The following FKBP1B variants were observed in gnomAD, a reference collection of about 807,000 sequenced individuals.
FKBP1B encodes FKBP prolyl isomerase 1B, also known as peptidyl-prolyl cis-trans isomerase FKBP1B.
FKBP1B carries 4 observed loss-of-function variants against 13.5 expected under a neutral mutation model. The ratio of observed to expected loss-of-function variants is 0.30; its 90% confidence interval spans 0.15 to 0.68. The LOEUF (loss-of-function observed/expected upper bound fraction) is 0.68. FKBP1B is among the 30% of genes least tolerant of loss of function. The pLI, the probability that FKBP1B is intolerant of heterozygous loss-of-function variation, is 0.76. For synonymous variants in FKBP1B, 54 were observed against 53.6 expected (o/e 1.01, Z -0.03); for missense variants, 93 against 136.2 (o/e 0.68, Z 1.58).
chr2:24,046,892 T>A (rs190098266), upstream of FKBP1B, among the ~76,000 whole-genome samples: 4 of 152,176 alleles, frequency 2.6e-5, no homozygotes, highest in South Asian at 8.3e-4. Flanking sequence ...CATTTCCCTA[T>A]GTTATTTAAA....
the FKBP1B span, chr2:24,038,040 A>G: frequency 6.2e-7 from 1 of 1,614,126 alleles, no homozygotes; most frequent in Non-Finnish European, 8.5e-7. Context: ...CATTCTGACT[A>G]CTGGTATTAA....
the FKBP1B span, among the ~76,000 whole-genome samples, chr2:24,043,981 T>C: frequency 7.2e-5 from 11 of 152,310 alleles, no homozygotes; most frequent in East Asian, 2.1e-3. Context: ...GTCCAGTCAT[T>C]ACTAATGAAG....
Position 24,056,179 on chromosome 2 carries a change from G to A in FKBP1B, c.85+2230G>A, listed in dbSNP as rs537095590. The stretch of plus-strand genomic sequence containing the variant: ...TAATTTTTGTGTTTCTAGTAGAGAC[G>A]GTGTTTCACCATATTGGCCAGGCTG... On this transcript the variant is annotated intron_variant, in intron 2 of 3. Coordinates refer to ENST00000380986, the MANE Select transcript of FKBP1B (RefSeq NM_004116.5). Among the ~76,000 whole-genome samples, 11 of 151,718 alleles carry A rather than the reference G, an allele frequency of 7.3e-5. No homozygotes were observed. The East Asian group carries it at 7.8e-4, about 11-fold the overall frequency.
At chr2:24,060,302 G>C (rs1163072314) in intron 2 of FKBP1B, among the ~76,000 whole-genome samples, 1 of 152,150 alleles carries the variant, frequency 6.6e-6, no homozygotes, top group South Asian at 2.1e-4. Context: ...TGTAATCCCA[G>C]CACTTTGGGA....
At chr2:24,060,378 C>A (rs895533874) in intron 2 of FKBP1B, among the ~76,000 whole-genome samples, 1 of 152,036 alleles carries the variant, frequency 6.6e-6, no homozygotes, top group Non-Finnish European at 1.5e-5. Flanking sequence ...ATGGCAAAAC[C>A]CTGTTTCTAC....
chr2:24,051,744 TCTC>T (rs990065145), intron 1 of FKBP1B, among the ~76,000 whole-genome samples: 5 of 152,178 alleles, frequency 3.3e-5, no homozygotes, highest in Admixed American at 1.3e-4. Flanking sequence ...TTCACCATTC[TCTC>T]CTCTATGATG....
intron 1 of FKBP1B, among the ~76,000 whole-genome samples, chr2:24,051,511 T>A (rs1379176880): frequency 6.6e-6 from 1 of 152,296 alleles, no homozygotes; most frequent in East Asian, 1.9e-4. Context: ...AACTTTTTCC[T>A]CCAGCTTTCC....
chr2:24,045,103 C>G (rs1663570408), upstream of FKBP1B, among the ~76,000 whole-genome samples: 1 of 151,946 alleles, frequency 6.6e-6, no homozygotes, highest in South Asian at 2.1e-4. Context: ...AATTTGAATG[C>G]CACAAAGTGA....
the FKBP1B span, chr2:24,038,332 G>A: frequency 6.2e-7 from 1 of 1,614,094 alleles, no homozygotes; most frequent in Non-Finnish European, 8.5e-7. Flanking sequence ...TATCCCTTTT[G>A]GTCTTTCAGT....
chr2:24,034,711 A>G, the FKBP1B span, among the ~76,000 whole-genome samples: 1 of 151,732 alleles, frequency 6.6e-6, no homozygotes, highest in Non-Finnish European at 1.5e-5. Context: ...GTAGCTGGGA[A>G]AACAGGTGGG....
chr2:24,054,250 C>G, intron 2 of FKBP1B: 1 of 576,422 alleles, frequency 1.7e-6, no homozygotes. Flanking sequence ...GAGCCCCTGT[C>G]CCTGCTGGGT....
At chr2:24,035,513 A>T in the FKBP1B span, among the ~76,000 whole-genome samples, 1 of 152,166 alleles carries the variant, frequency 6.6e-6, no homozygotes, top group South Asian at 2.1e-4. Context: ...TAAATGAATT[A>T]CCTATTAAAA....
the FKBP1B span, chr2:24,038,102 C>A: frequency 1.9e-6 from 3 of 1,614,168 alleles, no homozygotes; most frequent in Non-Finnish European, 2.5e-6. Context: ...GAAAGACTTT[C>A]AATTAACTTT....
At chr2:24,052,688 C>T (rs770103685) in intron 1 of FKBP1B, among the ~76,000 whole-genome samples, 3 of 152,020 alleles carry the variant, frequency 2.0e-5, no homozygotes, top group Admixed American at 6.6e-5. Context: ...AACTCCAGGG[C>T]GGGTTTGGTG....
chr2:24,059,762 G>A (rs1003121556), intron 2 of FKBP1B, among the ~76,000 whole-genome samples: 1 of 151,842 alleles, frequency 6.6e-6, no homozygotes, highest in Non-Finnish European at 1.5e-5. Context: ...AGGCATAGTG[G>A]CAGGTACCTG....
the FKBP1B span, among the ~76,000 whole-genome samples, chr2:24,042,583 C>G: frequency 6.7e-6 from 1 of 150,064 alleles, no homozygotes; most frequent in Non-Finnish European, 1.5e-5. Flanking sequence ...GTGGCGCATG[C>G]CTGTAATCCC....
intron 2 of FKBP1B, among the ~76,000 whole-genome samples, chr2:24,058,846 C>A (rs192080078): frequency 9.2e-5 from 14 of 152,322 alleles, no homozygotes; most frequent in African/African-American, 3.4e-4. Context: ...TGTTAGCATC[C>A]ATCTGCATGT....
intron 2 of FKBP1B, among the ~76,000 whole-genome samples, chr2:24,058,160 G>T (rs576016481): frequency 6.6e-6 from 1 of 150,722 alleles, no homozygotes; most frequent in African/African-American, 2.4e-5. Context: ...AGATTGAGCC[G>T]CTGCACTCCA....
chr2:24,036,101 T>TAAATAAATA, the FKBP1B span, among the ~76,000 whole-genome samples: 4 of 148,288 alleles, frequency 2.7e-5, no homozygotes, highest in African/African-American at 7.5e-5. Context: ...AATAAATAAA[T>TAAATAAATA]AAATAAAATA....
Sources: gnomAD v4.1 joint callset for allele counts (sites outside exome capture counted in the v4.1 genomes callset) on GRCh38, gnomAD v4.1.1 for gene constraint, MANE v1.5 for transcripts, NCBI Gene and HGNC (gene_info 2026-07-23, HGNC 2026-07-21) for gene names.